Variants in USP36 observed in about 807,000 individuals in gnomAD.
The protein encoded by USP36 is ubiquitin specific peptidase 36.
Under a neutral mutation model 111.5 loss-of-function variants are expected in USP36, and 59 were observed. That is an observed-to-expected ratio of 0.53 (90% CI 0.43 to 0.66). The LOEUF (loss-of-function observed/expected upper bound fraction) is 0.66, where lower values mean the gene tolerates loss of function less well. USP36 is among the 30% of genes least tolerant of loss of function. USP36 has a pLI of 0.00. For synonymous variants in USP36, 628 were observed against 581.0 expected (o/e 1.08, Z -1.16); for missense variants, 1,488 against 1,468.0 (o/e 1.01, Z -0.22).
Position 78,797,813 on chromosome 17 carries a change from C to T in USP36, c.*87G>A, listed in dbSNP as rs191737837. 1.3e-5 allele frequency: 2 copies of T among 154,190 alleles called. No homozygotes were observed. Among genetic ancestry groups the T allele is most frequent in the Admixed American group, 1.3e-4 (2 of 15,656 alleles). 9.6% of individuals were successfully genotyped at this position (154,190 alleles called of 1,614,324 possible). A position where few individuals can be genotyped will look rare whatever the true frequency, so the allele number is the denominator to read the frequency against. On this transcript the variant is annotated 3_prime_UTR_variant, in exon 21 of 21. Transcript: ENST00000449938. ...TGACAGGCTCCCAGCGCAGCAGAGC[C>T]CACACAGAGAGCTCCCTCAGATCCA... is the stretch of plus-strand genomic sequence containing the variant.
chr17:78,827,682 C>A (rs2067693093), intron 5 of USP36, among the ~76,000 whole-genome samples: 1 of 151,930 alleles, frequency 6.6e-6, no homozygotes, highest in Non-Finnish European at 1.5e-5. Flanking sequence ...GTGGGAGGAT[C>A]ACTTGAGCCC....
rs1442683597 is a variant in USP36, at chr17:78,802,359, G to T, written c.2987C>A (p.Pro996Gln). The change falls in exon 17 of 21, where the codon CCA becomes CAA. Residue 996 changes from proline (P) to glutamine (Q), a missense_variant. This residue lies in a region of USP36 where 1,073 missense variants were observed against 994.1 expected (regional missense o/e 1.08). Coordinates refer to ENST00000449938, the MANE Select transcript of USP36 (RefSeq NM_001385174.1). ...CCCAGGACACCAGCCATTCGCGGAT[G>T]GTGCGCAGCTGCTGGACTCGGGGAC... is the stretch of plus-strand genomic sequence containing the variant. ...AVVPESSSCA[P>Q]SANGWCPGDR... 3 of 1,600,100 alleles carry T rather than the reference G, an allele frequency of 1.9e-6. No homozygotes were observed. Among genetic ancestry groups the T allele is most frequent in the Non-Finnish European group, 2.6e-6 (3 of 1,173,576 alleles).
chr17:78,825,084 A>ATTTG (rs1433034050), intron 6 of USP36, among the ~76,000 whole-genome samples: 1 of 152,206 alleles, frequency 6.6e-6, no homozygotes, highest in Non-Finnish European at 1.5e-5. Context: ...TATTCCAAAC[A>ATTTG]GATGAAGGGG....
chr17:78,790,247 G>A (rs1032971617), intron 3 of USP36, among the ~76,000 whole-genome samples: 2 of 151,490 alleles, frequency 1.3e-5, no homozygotes, highest in East Asian at 1.9e-4. Context: ...CCACCACCAC[G>A]CCTGGCTAAT....
intron 6 of USP36, chr17:78,826,381 A>T (rs554777075): frequency 6.6e-6 from 1 of 152,340 alleles, no homozygotes; most frequent in South Asian, 2.1e-4. Context: ...TACAAAAATT[A>T]GCCAGGCACG....
chr17:78,788,205 G>A (rs1011656656), intron 3 of USP36, among the ~76,000 whole-genome samples: 18 of 151,378 alleles, frequency 1.2e-4, no homozygotes, highest in East Asian at 3.9e-4. Flanking sequence ...TCACTCTGTC[G>A]CCAGGCTGGA....
chr17:78,829,744 A>G lies in USP36; in HGVS notation c.476-737T>C, dbSNP rs571260949. On this transcript the variant is annotated intron_variant, in intron 4 of 20. Coordinates refer to ENST00000449938, the MANE Select transcript of USP36 (RefSeq NM_001385174.1). ...CGCCTCACTAGGCATTAGGCTAGACAGTGGTCCTTTTTTTTTGAGACAGAG... is the reference window on the plus strand; with the variant it reads ...CGCCTCACTAGGCATTAGGCTAGACGGTGGTCCTTTTTTTTTGAGACAGAG... Among the ~76,000 whole-genome samples, 4 of 152,268 alleles carry G rather than the reference A, an allele frequency of 2.6e-5. No homozygotes were observed. The East Asian group carries it at 7.7e-4, about 29-fold the overall frequency.
intron 9 of USP36, among the ~76,000 whole-genome samples, chr17:78,819,704 C>T (rs1217714539): frequency 3.3e-5 from 5 of 152,228 alleles, no homozygotes; most frequent in African/African-American, 7.2e-5. Flanking sequence ...ACAATATATG[C>T]GGCATCTTTA....
intron 2 of USP36, among the ~76,000 whole-genome samples, chr17:78,837,964 C>G (rs371645037): frequency 1.3e-5 from 2 of 152,182 alleles, no homozygotes; most frequent in Non-Finnish European, 2.9e-5. Context: ...CTGGGCCTGT[C>G]GTCCCAGATG....
chr17:78,802,824 C>A (rs540973583), intron 16 of USP36, among the ~76,000 whole-genome samples: 1 of 152,180 alleles, frequency 6.6e-6, no homozygotes, highest in Non-Finnish European at 1.5e-5. Flanking sequence ...TGGCCTGGCC[C>A]GGGACACCTG....
intron 4 of USP36, among the ~76,000 whole-genome samples, chr17:78,829,977 G>A (rs1433972147): frequency 6.6e-6 from 1 of 152,152 alleles, no homozygotes; most frequent in Non-Finnish European, 1.5e-5. Flanking sequence ...CTGACCTTGT[G>A]ATCCACCTGC....
rs1363170263 is a variant in USP36, at chr17:78,798,649, T to A, written c.3241-98A>T. 4.5e-6 allele frequency: 7 copies of A among 1,550,412 alleles called. No homozygotes were observed. The highest frequency in any genetic ancestry group is 5.2e-6 in the Non-Finnish European group (6 of 1,145,606). On this transcript the variant is annotated intron_variant, in intron 19 of 20. Transcript: ENST00000449938. This position sits in a 1 kb window ranked among gnomAD's most constrained non-coding sequence, Gnocchi z 5.1. The stretch of plus-strand genomic sequence containing the variant: ...TGCAGGTCCTGCACACAGGCCGGGC[T>A]CTCATGAGCTCTCTGGAGACCCACT...
intron 4 of USP36, among the ~76,000 whole-genome samples, chr17:78,834,997 GTA>G (rs10527657): frequency 0.36 from 51,359 of 141,308 alleles, 9,698 homozygotes; most frequent in African/African-American, 0.5. Context: ...AATAATATTT[GTA>G]TATATATATA....
chr17:78,803,843 C>T lies in USP36; in HGVS notation c.2352G>A (p.Leu784=). 4 of 1,612,260 alleles carry T rather than the reference C, an allele frequency of 2.5e-6. No homozygotes were observed. ...PRSCSSISTA[L]PQVNEDLVSL... is the part of the protein sequence containing the mutation. ...ACACAAGGTCCTCGTTGACCTGAGGCAGCGCCGTCGAGATGGAGGAGCAGC... is the reference window on the plus strand; with the variant it reads ...ACACAAGGTCCTCGTTGACCTGAGGTAGCGCCGTCGAGATGGAGGAGCAGC... The change falls in exon 16 of 21, where the codon CTG becomes CTA. Residue 784 remains leucine, a synonymous_variant. Coordinates refer to ENST00000449938, the MANE Select transcript of USP36 (RefSeq NM_001385174.1). This position sits in a 1 kb window ranked among gnomAD's most constrained non-coding sequence, Gnocchi z 4.6.
rs75462245 is a variant in USP36 at position 78,799,723 on chromosome 17, G to C, written c.3068C>G (p.Ser1023Cys). 7,621 of 1,612,610 alleles carry C rather than the reference G, an allele frequency of 4.7e-3. 342 individuals are homozygous for C. The East Asian group carries it at 0.12, about 25-fold the overall frequency. ...PPVSWNGERE[S>C]DVVQELLKYS... Reference sequence around the variant, plus strand: ...TTTGAGCAGTTCCTGGACCACATCAGACTCCCGCTCTCCATTCCAAGACAC... The same window carrying C: ...TTTGAGCAGTTCCTGGACCACATCACACTCCCGCTCTCCATTCCAAGACAC... The change falls in exon 18 of 21, where the codon TCT (serine) becomes TGT (cysteine). Residue 1023 changes from serine (S) to cysteine (C), a missense_variant. This residue lies in a region of USP36 where 1,073 missense variants were observed against 994.1 expected (regional missense o/e 1.08). Transcript: ENST00000449938.
intron 3 of USP36, among the ~76,000 whole-genome samples, chr17:78,790,145 A>G (rs2093570749): frequency 6.6e-6 from 1 of 151,980 alleles, no homozygotes; most frequent in African/African-American, 2.4e-5. Context: ...CTGGAGTGCA[A>G]TAGCGCGATC....
At chr17:78,838,134 G>C (rs769156620) in intron 2 of USP36, among the ~76,000 whole-genome samples, 4 of 151,728 alleles carry the variant, frequency 2.6e-5, no homozygotes, top group Admixed American at 2.0e-4. Context: ...TGTAATCCCA[G>C]CACTTGGGAG....
intron 4 of USP36, among the ~76,000 whole-genome samples, chr17:78,833,372 C>A (rs568764372): frequency 1.3e-5 from 2 of 151,994 alleles, no homozygotes; most frequent in South Asian, 4.2e-4. Flanking sequence ...ACCTCTGCCT[C>A]CCAGGTTCAA....
chr17:78,839,409 G>A (rs540293299), intron 1 of USP36, among the ~76,000 whole-genome samples: 2 of 152,268 alleles, frequency 1.3e-5, no homozygotes, highest in African/African-American at 4.8e-5. Context: ...CGAAAAATGT[G>A]TAAGGAAATG....
Sources: gnomAD v4.1 joint callset for allele counts (sites outside exome capture counted in the v4.1 genomes callset) on GRCh38, gnomAD v4.1.1 for gene constraint, gnomAD v4.1.1 regional missense constraint, Gnocchi (gnomAD v3.1) non-coding constraint, MANE v1.5 for transcripts, NCBI Gene and HGNC (gene_info 2026-07-23, HGNC 2026-07-21) for gene names.